MYO6: variants seen among roughly 807,000 people sequenced by gnomAD.
MYO6 encodes unconventional myosin-VI.
MYO6 carries 74 observed loss-of-function variants against 178.7 expected under a neutral mutation model. That is an observed-to-expected ratio of 0.41 (90% CI 0.34 to 0.50). The LOEUF is 0.50. MYO6 is among the 20% of genes least tolerant of loss of function. MYO6 has a pLI of 0.09. For missense variants in MYO6, 1,330 were observed against 1,547.4 expected, an observed-to-expected ratio of 0.86 and a Z score of 2.36; for synonymous variants, 477 against 504.6, an observed-to-expected ratio of 0.95 and a Z score of 0.73.
At chr6:75,755,935 C>T (rs932158206) in intron 1 of MYO6, among the ~76,000 whole-genome samples, 2 of 152,178 alleles carry the variant, frequency 1.3e-5, no homozygotes, top group African/African-American at 4.8e-5. Context: ...CAAAATTGTG[C>T]AATTTAAAGG....
At chr6:75,752,150 A>C (rs1446307099) in intron 1 of MYO6, among the ~76,000 whole-genome samples, 2 of 151,908 alleles carry the variant, frequency 1.3e-5, no homozygotes, top group Non-Finnish European at 2.9e-5. Flanking sequence ...CCGCCACCAC[A>C]CCTGGCCAAT....
chr6:75,876,980 A>AT lies in MYO6; in HGVS notation c.2078-2829dup, dbSNP rs140650537. On this transcript the variant is annotated intron_variant, in intron 20 of 34. Transcript: ENST00000369977. ...TAAGTCACCTTTTACTAAAATTACT[A>AT]TTTTTTTTTTTGAGACGGAGTTTCG... 1.6e-3 allele frequency among the ~76,000 whole-genome samples: 239 copies of AT among 148,438 alleles called. 2 individuals carry two copies. In the East Asian group the frequency reaches 0.035, roughly 21 times the overall value.
intron 30 of MYO6, among the ~76,000 whole-genome samples, chr6:75,905,697 G>C (rs1780258976): frequency 6.6e-6 from 1 of 152,248 alleles, no homozygotes; most frequent in East Asian, 1.9e-4. Flanking sequence ...CTCACGCTGG[G>C]AGCTGTACAT....
intron 4 of MYO6, among the ~76,000 whole-genome samples, chr6:75,829,587 G>A (rs1285306312): frequency 3.9e-5 from 6 of 152,076 alleles, no homozygotes; most frequent in Non-Finnish European, 7.4e-5. Flanking sequence ...TTCCAAAAGA[G>A]TATACTTGCC....
intron 1 of MYO6, among the ~76,000 whole-genome samples, chr6:75,795,984 A>G (rs1167285269): frequency 6.6e-6 from 1 of 152,204 alleles, no homozygotes; most frequent in African/African-American, 2.4e-5. Context: ...ATACTCAACA[A>G]TCTGTATACA....
At chr6:75,892,506 G>A (rs1273061314) in intron 27 of MYO6, 24 bp from the exon 28 acceptor site, 1 of 1,613,928 alleles carries the variant, frequency 6.2e-7, no homozygotes, top group East Asian at 2.2e-5. Flanking sequence ...AACTCTTGGT[G>A]AAATAGCTTT....
chr6:75,782,533 C>T (rs181224084), intron 1 of MYO6, among the ~76,000 whole-genome samples: 1 of 152,152 alleles, frequency 6.6e-6, no homozygotes, highest in Non-Finnish European at 1.5e-5. Context: ...GTGATTATTA[C>T]GGATCTCTAA....
intron 1 of MYO6, among the ~76,000 whole-genome samples, chr6:75,807,127 A>G (rs1169263355): frequency 6.6e-6 from 1 of 152,178 alleles, no homozygotes; most frequent in African/African-American, 2.4e-5. Flanking sequence ...GGTTAGAATT[A>G]ATTTTCCTCC....
Position 75,892,535 on chromosome 6 carries a change from A to G in MYO6, c.2952A>G (p.Glu984=). Residue 984 remains glutamate, a synonymous_variant, in exon 28 of 35, where the codon GAA becomes GAG. Coordinates refer to ENST00000369977, the MANE Select transcript of MYO6 (RefSeq NM_004999.4). ...TAGCTTTCTGCCCTTGTCAGGCTGA[A>G]GTGGAGGCACAGCTGGCCCGACAGA... ...REDDEKRIQA[E]VEAQLARQKE... is the part of the protein sequence containing the mutation. The G allele has an allele frequency of 6.2e-7, 1 of 1,614,060 alleles. No individual in the cohort carries two copies. The highest frequency in any genetic ancestry group is 8.5e-7 in the Non-Finnish European group (1 of 1,180,032).
chr6:75,914,342 T>G (rs1780993792), intron 34 of MYO6, 61 bp downstream of exon 34: 1 of 1,462,422 alleles, frequency 6.8e-7, no homozygotes, highest in Non-Finnish European at 9.6e-7. Flanking sequence ...ACTCTCTGAA[T>G]GAAACATTCT....
chr6:75,891,474 G>C (rs1007652012), intron 27 of MYO6, among the ~76,000 whole-genome samples, 168 bp downstream of exon 27: 1 of 151,670 alleles, frequency 6.6e-6, no homozygotes. Context: ...CTACTTATAC[G>C]AAAACAAATT....
chr6:75,897,342 A>T (rs1779382140), intron 29 of MYO6, among the ~76,000 whole-genome samples: 1 of 152,188 alleles, frequency 6.6e-6, no homozygotes, highest in Non-Finnish European at 1.5e-5. Context: ...CTCAAAAGAT[A>T]ATTTTTATTA....
chr6:75,804,662 T>C (rs1769824501), intron 1 of MYO6, among the ~76,000 whole-genome samples: 1 of 152,048 alleles, frequency 6.6e-6, no homozygotes, highest in Non-Finnish European at 1.5e-5. Flanking sequence ...CCCCAACACC[T>C]GGCAGTATGT....
At chr6:75,863,632 T>A (rs1776394593) in intron 16 of MYO6, among the ~76,000 whole-genome samples, 1 of 151,954 alleles carries the variant, frequency 6.6e-6, no homozygotes, top group Non-Finnish European at 1.5e-5. Context: ...ATTATAGGCA[T>A]GCACCACCAC....
At chr6:75,892,479 C>T in intron 27 of MYO6, 51 bp from the exon 28 acceptor site, 1 of 1,611,496 alleles carries the variant, frequency 6.2e-7, no homozygotes. Context: ...GGGGAGTGAT[C>T]AAGTAAACAA....
intron 3 of MYO6, among the ~76,000 whole-genome samples, chr6:75,824,905 G>A (rs1298168556): frequency 1.3e-5 from 2 of 151,846 alleles, no homozygotes; most frequent in Non-Finnish European, 2.9e-5. Context: ...GACTACACGT[G>A]TGCACCACCA....
chr6:75,907,794 ATGTG>A (rs71002774), intron 31 of MYO6, 86 bp downstream of exon 31: 210 of 749,246 alleles, frequency 2.8e-4, no homozygotes, highest in African/African-American at 4.2e-4. Flanking sequence ...GTGTGTGTGT[ATGTG>A]TGTGTGTGTG....
intron 1 of MYO6, among the ~76,000 whole-genome samples, chr6:75,812,189 T>C (rs764088787): frequency 3.3e-5 from 5 of 152,204 alleles, no homozygotes; most frequent in Non-Finnish European, 7.3e-5. Context: ...TGGCTAATGT[T>C]TAAAATTTTT....
intron 13 of MYO6, 26 bp downstream of exon 13, chr6:75,857,280 T>C (rs1274518862): frequency 5.6e-6 from 9 of 1,600,954 alleles, no homozygotes; most frequent in Non-Finnish European, 7.7e-6. Flanking sequence ...TTTGTGAGTA[T>C]ATATTTGTTT....
Sources: allele counts gnomAD v4.1 joint callset (sites outside exome capture counted in the v4.1 genomes callset), GRCh38; gene constraint gnomAD v4.1.1; transcripts MANE v1.5; gene names NCBI Gene and HGNC (gene_info 2026-07-23, HGNC 2026-07-21).